Variants in EML6 observed in about 807,000 individuals in gnomAD.
EML6 encodes echinoderm microtubule-associated protein-like 6.
Under a neutral mutation model 240.1 loss-of-function variants are expected in EML6, and 154 were observed. The observed-to-expected ratio is 0.64, with a 90% CI of 0.56 to 0.73. EML6 has a LOEUF of 0.73. Among genes scored for constraint, EML6 ranks in the 30% least tolerant of loss-of-function variants. The probability of loss-of-function intolerance (pLI) is 0.00; values close to 1 mark genes in which losing one functional copy is unlikely to be tolerated. For synonymous variants in EML6, 1,148 were observed against 899.0 expected (o/e 1.28, Z -4.95); for missense variants, 2,964 against 2,474.6 (o/e 1.20, Z -4.20).
chr2:54,860,441 G>A (rs927087460), intron 12 of EML6, among the ~76,000 whole-genome samples: 39 of 152,230 alleles, frequency 2.6e-4, no homozygotes, highest in African/African-American at 8.2e-4. Flanking sequence ...CATTTCCGGA[G>A]GCTACTTGGC....
chr2:54,788,373 C>T (rs1669203695), intron 2 of EML6, among the ~76,000 whole-genome samples: 1 of 152,172 alleles, frequency 6.6e-6, no homozygotes, highest in Admixed American at 6.5e-5. Flanking sequence ...AGGGCTGGAC[C>T]CAGGTGAGAG....
chr2:54,957,944 C>G lies in EML6; in HGVS notation c.4641C>G (p.Ile1547Met), dbSNP rs895520305. 6.4e-7 allele frequency: 1 copy of G among 1,551,622 alleles called. No individual in the cohort carries two copies. Among genetic ancestry groups the G allele is most frequent in the Non-Finnish European group, 8.7e-7 (1 of 1,146,962 alleles). ...GSALLYKKGV[I>M]GSLGAAKMQT... is the part of the protein sequence containing the mutation. ...CCTTGCTTTACAAGAAAGGGGTCAT[C>G]GGGTCCCTGGGAGCTGCCAAAATGC... The change falls in exon 33 of 42, where the codon ATC becomes ATG. Residue 1547 changes from isoleucine (I) to methionine (M), a missense_variant. Ile to Met is a conservative substitution (Grantham distance 10, BLOSUM62 1). Transcript: ENST00000356458.
chr2:54,871,115 C>T (rs770086380), intron 15 of EML6, among the ~76,000 whole-genome samples: 1 of 152,174 alleles, frequency 6.6e-6, no homozygotes, highest in Non-Finnish European at 1.5e-5. Context: ...GGTAAAATAA[C>T]TCTGGATAGC....
chr2:54,817,930 A>G (rs1159611453), intron 4 of EML6, among the ~76,000 whole-genome samples: 1 of 152,194 alleles, frequency 6.6e-6, no homozygotes, highest in Admixed American at 6.5e-5. Context: ...GACCAACAAT[A>G]GAACCTCAGT....
intron 26 of EML6, among the ~76,000 whole-genome samples, chr2:54,919,398 A>G (rs558150305): frequency 1.3e-5 from 2 of 152,190 alleles, no homozygotes; most frequent in Non-Finnish European, 2.9e-5. Context: ...AGTTACCTCT[A>G]TGGCCACTTT....
chr2:54,756,434 T>C (rs1024629148), intron 2 of EML6, among the ~76,000 whole-genome samples: 2 of 152,224 alleles, frequency 1.3e-5, no homozygotes. Context: ...CTGTTTCCTT[T>C]AATGTGCTTA....
chr2:54,961,184 G>GTTGT lies in EML6; in HGVS notation c.4968+852_4968+853insGTTT. ...GGAGCCTGGAAGTTATCAGGAAGTA[G>GTTGT]TTTTTTTTTTTTTTTTTTTGAGACG... On this transcript the variant is annotated intron_variant, in intron 35 of 41. Coordinates refer to ENST00000356458, the MANE Select transcript of EML6 (RefSeq NM_001039753.4). Among the ~76,000 whole-genome samples the GTTGT allele has an allele frequency of 1.6e-3, 87 of 55,416 alleles. 31 individuals are homozygous for GTTGT. The highest frequency in any genetic ancestry group is 3.2e-3 in the African/African-American group (39 of 12,370). The allele number at this position is 55,416 out of a possible 152,430, so 36.4% of individuals were successfully genotyped here. A position where few individuals can be genotyped will look rare whatever the true frequency, so the allele number is the denominator to read the frequency against.
chr2:54,949,309 C>G (rs1460805151), intron 29 of EML6, among the ~76,000 whole-genome samples: 1 of 152,216 alleles, frequency 6.6e-6, no homozygotes, highest in African/African-American at 2.4e-5. Flanking sequence ...CAGGGGAGCA[C>G]ATATTCACCG....
intron 28 of EML6, among the ~76,000 whole-genome samples, chr2:54,944,773 T>C (rs568697386): frequency 7.9e-5 from 12 of 152,190 alleles, no homozygotes; most frequent in Admixed American, 7.2e-4. Flanking sequence ...TAAGTATCTC[T>C]GTACATGATT....
At chr2:54,864,845 C>G (rs1398271980) in intron 13 of EML6, among the ~76,000 whole-genome samples, 1 of 152,190 alleles carries the variant, frequency 6.6e-6, no homozygotes, top group Admixed American at 6.5e-5. Context: ...TTTTTCAGCC[C>G]ATAATCATCA....
chr2:54,968,073 A>T, intron 39 of EML6, 55 bp from the exon 40 acceptor site: 1 of 1,519,980 alleles, frequency 6.6e-7, no homozygotes, highest in East Asian at 2.5e-5. Context: ...GACTGACTGC[A>T]AGGAGCCTTC....
chr2:54,805,458 C>T (rs141687516), intron 2 of EML6, among the ~76,000 whole-genome samples: 375 of 152,306 alleles, frequency 2.5e-3, no homozygotes, highest in African/African-American at 8.6e-3. Context: ...TCTTTAGCAA[C>T]ACTTGGTATT....
At chr2:54,726,256 T>C (rs1285710004) in intron 2 of EML6, among the ~76,000 whole-genome samples, 2 of 152,216 alleles carry the variant, frequency 1.3e-5, no homozygotes, top group East Asian at 3.8e-4. Context: ...TCCAAACTTG[T>C]GTGTTTCATT....
chr2:54,737,152 T>G (rs770426938), intron 2 of EML6, among the ~76,000 whole-genome samples: 6 of 152,218 alleles, frequency 3.9e-5, no homozygotes, highest in Non-Finnish European at 8.8e-5. Flanking sequence ...ATTGTAGCAA[T>G]GCAGGTATAT....
chr2:54,760,751 G>A (rs1667943086), intron 2 of EML6, among the ~76,000 whole-genome samples: 1 of 151,546 alleles, frequency 6.6e-6, no homozygotes, highest in African/African-American at 2.4e-5. Flanking sequence ...CCTGGAATTC[G>A]GAAGATTTCA....
intron 28 of EML6, among the ~76,000 whole-genome samples, chr2:54,937,289 AAG>A (rs941612917): frequency 2.0e-5 from 3 of 150,598 alleles, no homozygotes; most frequent in Non-Finnish European, 3.0e-5. Flanking sequence ...AAAAAAAAAA[AAG>A]AAGAAGTCTT....
At chr2:54,949,021 C>T in intron 29 of EML6, 61 bp downstream of exon 29, 2 of 1,235,530 alleles carry the variant, frequency 1.6e-6, no homozygotes, top group Admixed American at 4.0e-5. Context: ...TGGTAGACAT[C>T]CCCATCTGCA....
chr2:54,940,397 C>G (rs746361803), intron 28 of EML6, among the ~76,000 whole-genome samples: 3 of 152,094 alleles, frequency 2.0e-5, no homozygotes, highest in Non-Finnish European at 4.4e-5. Flanking sequence ...GGTTTCAACT[C>G]TAAATTAATA....
intron 7 of EML6, among the ~76,000 whole-genome samples, chr2:54,843,276 A>C (rs950650274): frequency 2.6e-5 from 4 of 152,174 alleles, no homozygotes; most frequent in Non-Finnish European, 5.9e-5. Flanking sequence ...AAAGAAAAAA[A>C]ACTAGTCTAG....
Sources: allele counts gnomAD v4.1 joint callset (sites outside exome capture counted in the v4.1 genomes callset), GRCh38; gene constraint gnomAD v4.1.1; transcripts MANE v1.5; gene names NCBI Gene and HGNC (gene_info 2026-07-23, HGNC 2026-07-21).